ENTPD1: variants seen among roughly 807,000 people sequenced by gnomAD.
The protein encoded by ENTPD1 is ectonucleoside triphosphate diphosphohydrolase 1, also known as ATP diphosphohydrolase.
ENTPD1 carries 33 observed loss-of-function variants against 57.0 expected under a neutral mutation model. The observed-to-expected ratio is 0.58, with a 90% CI of 0.44 to 0.77. The LOEUF (loss-of-function observed/expected upper bound fraction) is 0.77, where lower values mean the gene tolerates loss of function less well. Among genes scored for constraint, ENTPD1 ranks in the 30% least tolerant of loss-of-function variants. The pLI is 0.00. For synonymous variants in ENTPD1, 202 were observed against 218.8 expected (o/e 0.92, Z 0.68); for missense variants, 501 against 603.4 (o/e 0.83, Z 1.78).
upstream of ENTPD1, chr10:95,711,768 T>G (rs572431927): frequency 1.4e-5 from 10 of 699,406 alleles, no homozygotes; most frequent in Admixed American, 2.4e-5. Context: ...GTCTTCATTC[T>G]GCAGTCTCCT....
the ENTPD1 span, among the ~76,000 whole-genome samples, chr10:95,698,708 A>G: frequency 1.3e-5 from 2 of 152,236 alleles, no homozygotes; most frequent in Non-Finnish European, 2.9e-5. Context: ...CTCACCAGGT[A>G]TGCCTCTTTG....
chr10:95,750,189 G>A (rs1589670868), intron 1 of ENTPD1, among the ~76,000 whole-genome samples: 1 of 152,182 alleles, frequency 6.6e-6, no homozygotes, highest in Non-Finnish European at 1.5e-5. Flanking sequence ...CTCTTTTGTG[G>A]GTCAGCACAG....
chr10:95,698,937 G>T, the ENTPD1 span, among the ~76,000 whole-genome samples: 1 of 151,736 alleles, frequency 6.6e-6, no homozygotes, highest in Non-Finnish European at 1.5e-5. Context: ...CAGTTACCAA[G>T]GTGGACACAC....
intron 1 of ENTPD1, among the ~76,000 whole-genome samples, chr10:95,730,545 A>G: frequency 2.1e-5 from 1 of 48,226 alleles, no homozygotes; most frequent in African/African-American, 1.9e-4. Flanking sequence ...AAATAAAAGG[A>G]AATAATGGGG....
chr10:95,723,897 C>T (rs997285768), intron 1 of ENTPD1, among the ~76,000 whole-genome samples: 2 of 151,960 alleles, frequency 1.3e-5, no homozygotes, highest in African/African-American at 4.8e-5. Context: ...CACGGTGGCT[C>T]ACGCCTGTAA....
At chr10:95,817,327 A>G (rs551821425) in intron 1 of ENTPD1, among the ~76,000 whole-genome samples, 5 of 152,308 alleles carry the variant, frequency 3.3e-5, no homozygotes, top group African/African-American at 1.2e-4. Context: ...GGCTCTGTCC[A>G]CACTTGGCTG....
rs916741870 is a variant in ENTPD1 at position 95,801,503 on chromosome 10, G to T, written c.17-21734G>T. Among the ~76,000 whole-genome samples the T allele has an allele frequency of 8.0e-4, 122 of 151,808 alleles. 1 individual carries two copies. Among genetic ancestry groups the T allele is most frequent in the African/African-American group, 2.7e-3 (113 of 41,354 alleles). ...TTGTCAGGTTTATCCAAGATCAGGT[G>T]GTTGTAGATGTGTGGCCTTATTTCT... On this transcript the variant is annotated intron_variant, in intron 1 of 9. Transcript: ENST00000371205.
At chr10:95,832,333 G>C (rs1384282184) in intron 2 of ENTPD1, among the ~76,000 whole-genome samples, 1 of 152,130 alleles carries the variant, frequency 6.6e-6, no homozygotes, top group East Asian at 1.9e-4. Flanking sequence ...GGCATCCTGG[G>C]GTGTTCTCAT....
At chr10:95,739,538 C>G (rs567548353) in intron 1 of ENTPD1, among the ~76,000 whole-genome samples, 1 of 152,226 alleles carries the variant, frequency 6.6e-6, no homozygotes, top group African/African-American at 2.4e-5. Context: ...CCATTTGTAT[C>G]ATGAGATGTA....
At chr10:95,804,687 T>C (rs952189020) in intron 1 of ENTPD1, among the ~76,000 whole-genome samples, 2 of 152,208 alleles carry the variant, frequency 1.3e-5, no homozygotes, top group South Asian at 2.1e-4. Context: ...TCTGGCCTGA[T>C]TGCCCTGTCC....
rs34082135 is a variant in ENTPD1, at chr10:95,764,718, A to ATT, written c.16+8483_16+8484dup. Among the ~76,000 whole-genome samples, 708 of 103,468 alleles carry ATT rather than the reference A, an allele frequency of 6.8e-3. 8 individuals carry two copies. Among genetic ancestry groups the ATT allele is most frequent in the South Asian group, 0.025 (74 of 3,008 alleles). 67.9% of individuals were successfully genotyped at this position (103,468 alleles called of 152,430 possible). A position where few individuals can be genotyped will look rare whatever the true frequency, so the allele number is the denominator to read the frequency against. On this transcript the variant is annotated intron_variant, in intron 1 of 9. Coordinates refer to ENST00000371205, the MANE Select transcript of ENTPD1 (RefSeq NM_001776.6). ...AAATGCCTGTTCAGATCCTTTGCCC[A>ATT]TTTTTTTTTTTTTTTTTTTTTGAGG...
intron 1 of ENTPD1, among the ~76,000 whole-genome samples, chr10:95,762,299 A>G (rs2098068156): frequency 6.6e-6 from 1 of 152,008 alleles, no homozygotes; most frequent in South Asian, 2.1e-4. Flanking sequence ...CAAGTAACAT[A>G]GCACATGCCC....
At chr10:95,769,276 C>G (rs2098105049) in intron 1 of ENTPD1, among the ~76,000 whole-genome samples, 2 of 152,210 alleles carry the variant, frequency 1.3e-5, no homozygotes, top group Admixed American at 1.3e-4. Flanking sequence ...AGCTCCTGTT[C>G]CACTGCTTAG....
chr10:95,800,114 A>T (rs748994168), intron 1 of ENTPD1, among the ~76,000 whole-genome samples: 2 of 152,218 alleles, frequency 1.3e-5, no homozygotes, highest in African/African-American at 2.4e-5. Flanking sequence ...TTTGCTGTGT[A>T]TCGGGGGAAC....
chr10:95,797,784 G>A (rs977926748), intron 1 of ENTPD1, among the ~76,000 whole-genome samples: 3 of 152,286 alleles, frequency 2.0e-5, no homozygotes, highest in South Asian at 2.1e-4. Context: ...CCCCTGTGAC[G>A]CAAAAACTTG....
chr10:95,845,073 G>C (rs146050208), intron 5 of ENTPD1, among the ~76,000 whole-genome samples: 276 of 152,314 alleles, frequency 1.8e-3, no homozygotes, highest in African/African-American at 6.3e-3. Context: ...TGGCTGTACA[G>C]CTAACAAGCG....
At chr10:95,826,609 A>G (rs2098378033) in intron 2 of ENTPD1, among the ~76,000 whole-genome samples, 2 of 151,654 alleles carry the variant, frequency 1.3e-5, no homozygotes, top group African/African-American at 4.8e-5. Flanking sequence ...GGCAGAAGGA[A>G]AGCAGGTGCA....
Position 95,872,380 on chromosome 10 carries a change from A to G in ENTPD1, c.*5997A>G. On this transcript the variant is annotated 3_prime_UTR_variant, in exon 10 of 10. Coordinates refer to ENST00000371205, the MANE Select transcript of ENTPD1 (RefSeq NM_001776.6). The stretch of plus-strand genomic sequence containing the variant: ...CCACTCCTCTGATGTTTCCTACACT[A>G]CACTACACTATACTACACTACAGCC... 1.0e-6 allele frequency: 1 copy of G among 985,336 alleles called. No individual in the cohort carries two copies. The highest frequency in any genetic ancestry group is 1.2e-6 in the Non-Finnish European group (1 of 829,912). The allele number at this position is 985,336 out of a possible 1,614,324, so 61.0% of individuals were successfully genotyped here. A position where few individuals can be genotyped will look rare whatever the true frequency, so the allele number is the denominator to read the frequency against.
At chr10:95,768,496 TTTTC>T (rs1000041087) in intron 1 of ENTPD1, among the ~76,000 whole-genome samples, 8 of 108,636 alleles carry the variant, frequency 7.4e-5, no homozygotes, top group African/African-American at 2.5e-4. Context: ...TTCTTTTCTT[TTTTC>T]TTTCTTTCTC....
Sources: allele counts gnomAD v4.1 joint callset (sites outside exome capture counted in the v4.1 genomes callset), GRCh38; gene constraint gnomAD v4.1.1; transcripts MANE v1.5; gene names NCBI Gene and HGNC (gene_info 2026-07-23, HGNC 2026-07-21).